The following MS4A1 variants were observed in gnomAD, a reference collection of about 807,000 sequenced individuals.
The protein encoded by MS4A1 is B-lymphocyte antigen CD20.
MS4A1 carries 16 observed loss-of-function variants against 26.5 expected under a neutral mutation model. That is an observed-to-expected ratio of 0.60 (90% CI 0.41 to 0.92). MS4A1 has a LOEUF of 0.92. Ranked by LOEUF, MS4A1 falls within the 40% of genes least tolerant of loss-of-function variation. MS4A1 has a pLI of 0.00. For synonymous variants in MS4A1, 128 were observed against 117.6 expected (o/e 1.09, Z -0.57); for missense variants, 350 against 353.0 (o/e 0.99, Z 0.07).
intron 5 of MS4A1, 142 bp downstream of exon 5, chr11:60,464,486 T>G: frequency 1.4e-6 from 1 of 730,560 alleles, no homozygotes; most frequent in Admixed American, 2.2e-5. Flanking sequence ...TTATTGTGAT[T>G]TTATTTATGA....
chr11:60,461,756 G>C (rs2086249935), intron 2 of MS4A1, among the ~76,000 whole-genome samples: 1 of 151,684 alleles, frequency 6.6e-6, no homozygotes, highest in Non-Finnish European at 1.5e-5. Context: ...CTGACCTCAG[G>C]TGATCTGCCC....
Position 60,461,143 on chromosome 11 carries a change from A to T in MS4A1, c.-208A>T, listed in dbSNP as rs191494696. On this transcript the variant is annotated 5_prime_UTR_variant, in exon 2 of 8. The change creates a new upstream start codon in the 5' untranslated region. Coordinates refer to ENST00000345732, the MANE Select transcript of MS4A1 (RefSeq NM_152866.3). ...TTCTGTGGGGAAGAGACTGACAATA[A>T]GCAATTAAATAAATAAGGTAATTTC... 1 of 151,988 alleles carries T rather than the reference A, an allele frequency of 6.6e-6. No individual in the cohort carries two copies. Among genetic ancestry groups the T allele is most frequent in the African/African-American group, 2.4e-5 (1 of 41,574 alleles). 9.4% of individuals were successfully genotyped at this position (151,988 alleles called of 1,614,324 possible).
Position 60,462,273 on chromosome 11 carries a change from A to C in MS4A1, c.-102A>C. 1.6e-6 allele frequency: 2 copies of C among 1,241,356 alleles called. No individual in the cohort carries two copies. Among genetic ancestry groups the C allele is most frequent in the Non-Finnish European group, 2.4e-6 (2 of 848,820 alleles). The allele number at this position is 1,241,356 out of a possible 1,614,324, so 76.9% of individuals were successfully genotyped here. A position where few individuals can be genotyped will look rare whatever the true frequency, so the allele number is the denominator to read the frequency against. On this transcript the variant is annotated 5_prime_UTR_variant, in exon 3 of 8. Transcript: ENST00000345732. ...TGACACTCATGGAGGAAATGCTGAG[A>C]GAAGCATTCAGATGCATGACACAAG...
intron 7 of MS4A1, among the ~76,000 whole-genome samples, chr11:60,467,867 G>A (rs776327523): frequency 6.6e-6 from 1 of 152,004 alleles, no homozygotes; most frequent in African/African-American, 2.4e-5. Context: ...AGAAATCATC[G>A]CTAATTACTT....
intron 1 of MS4A1, among the ~76,000 whole-genome samples, chr11:60,458,929 G>T (rs1262103715): frequency 2.6e-5 from 4 of 152,104 alleles, no homozygotes; most frequent in Non-Finnish European, 4.4e-5. Flanking sequence ...TTTAAGGTTT[G>T]TAGAAGTATA....
intron 7 of MS4A1, among the ~76,000 whole-genome samples, chr11:60,467,388 T>C (rs1337366353): frequency 1.3e-5 from 2 of 151,426 alleles, no homozygotes; most frequent in Non-Finnish European, 2.9e-5. Context: ...GCGATTCTCC[T>C]GCCTCACCCT....
Position 60,462,410 on chromosome 11 carries a change from C to A in MS4A1, c.36C>A (p.Phe12Leu). The change falls in exon 3 of 8, where the codon TTC becomes TTA. Residue 12 changes from phenylalanine (F) to leucine (L), a missense_variant. Transcript: ENST00000345732. Reference sequence around the variant, plus strand: ...CCAGAAATTCAGTAAATGGGACTTTCCCGGCAGAGCCAATGAAAGGCCCTA... The same window carrying A: ...CCAGAAATTCAGTAAATGGGACTTTACCGGCAGAGCCAATGAAAGGCCCTA... The part of the protein sequence containing the change: ...TTPRNSVNGT[F>L]PAEPMKGPIA... 1 of 1,614,156 alleles carries A rather than the reference C, an allele frequency of 6.2e-7. No homozygotes were observed. The highest frequency in any genetic ancestry group is 8.5e-7 in the Non-Finnish European group (1 of 1,180,024).
intron 3 of MS4A1, 68 bp from the exon 4 acceptor site, chr11:60,462,934 A>C: frequency 1.2e-6 from 2 of 1,606,266 alleles, no homozygotes; most frequent in Non-Finnish European, 1.7e-6. Context: ...CAGAGCTTCC[A>C]ACCTTGTCTT....
At chr11:60,458,849 A>G (rs577611025) in intron 1 of MS4A1, among the ~76,000 whole-genome samples, 5 of 88,062 alleles carry the variant, frequency 5.7e-5, no homozygotes, top group Non-Finnish European at 1.2e-4. Context: ...GATAGTTTCC[A>G]TAAGAAATAA....
chr11:60,465,550 G>A (rs2086284149), intron 5 of MS4A1, among the ~76,000 whole-genome samples: 1 of 152,124 alleles, frequency 6.6e-6, no homozygotes, highest in Non-Finnish European at 1.5e-5. Flanking sequence ...ATTTATGAAG[G>A]CAGATAATAA....
chr11:60,462,854 A>T (rs1426370449), intron 3 of MS4A1, 148 bp from the exon 4 acceptor site: 1 of 1,277,676 alleles, frequency 7.8e-7, no homozygotes, highest in East Asian at 2.3e-5. Flanking sequence ...GATTCGAACA[A>T]GAAAAAGACA....
chr11:60,462,891 T>C lies in MS4A1; in HGVS notation c.160-111T>C, dbSNP rs963870165. 5.9e-6 allele frequency: 9 copies of C among 1,526,722 alleles called. No individual in the cohort carries two copies. In the African/African-American group the frequency reaches 8.2e-5, roughly 14 times the overall value. The allele number at this position is 1,526,722 out of a possible 1,614,324, so 94.6% of individuals were successfully genotyped here. A position where few individuals can be genotyped will look rare whatever the true frequency, so the allele number is the denominator to read the frequency against. ...AATTCTTGGCACCTCCACTGCTTCC[T>C]TTAGGCATTCCTCACAGCTCCAAGT... On this transcript the variant is annotated intron_variant, in intron 3 of 7. Transcript: ENST00000345732.
At chr11:60,461,886 G>A (rs901997804) in intron 2 of MS4A1, among the ~76,000 whole-genome samples, 7 of 148,998 alleles carry the variant, frequency 4.7e-5, no homozygotes, top group Non-Finnish European at 7.4e-5. Context: ...GCCTGGAATC[G>A]ACCCCTCCTG....
intron 7 of MS4A1, among the ~76,000 whole-genome samples, chr11:60,467,767 T>A (rs917292846): frequency 3.7e-4 from 57 of 152,198 alleles, no homozygotes; most frequent in African/African-American, 1.2e-3. Flanking sequence ...AAACAACAGG[T>A]TAAAGGGCTC....
At position 60,462,410 on chromosome 11, in the gene MS4A1, C is replaced by T; in HGVS notation, c.36C>T (p.Phe12=). ...TTPRNSVNGT[F]PAEPMKGPIA... is the part of the protein sequence containing the mutation. ...CCAGAAATTCAGTAAATGGGACTTTCCCGGCAGAGCCAATGAAAGGCCCTA... is the reference window on the plus strand; with the variant it reads ...CCAGAAATTCAGTAAATGGGACTTTTCCGGCAGAGCCAATGAAAGGCCCTA... Residue 12 remains phenylalanine (F), a synonymous_variant, in exon 3 of 8, where the codon TTC becomes TTT. Transcript: ENST00000345732. The T allele has an allele frequency of 1.9e-6, 3 of 1,614,156 alleles. No homozygotes were observed. Among genetic ancestry groups the T allele is most frequent in the Non-Finnish European group, 2.5e-6 (3 of 1,180,024 alleles).
intron 6 of MS4A1, 179 bp from the exon 7 acceptor site, chr11:60,466,778 TAA>T (rs1189867391): frequency 9.1e-6 from 6 of 656,362 alleles, no homozygotes; most frequent in Non-Finnish European, 1.6e-5. Context: ...AAAGTTGTGT[TAA>T]GAGTTAGGGT....
chr11:60,458,435 A>C (rs2086221370), intron 1 of MS4A1, among the ~76,000 whole-genome samples: 1 of 152,216 alleles, frequency 6.6e-6, no homozygotes, highest in South Asian at 2.1e-4. Context: ...GGGTGCCTTT[A>C]AAAATAAAAA....
chr11:60,460,939 C>A (rs56273248), intron 1 of MS4A1, 133 bp from the exon 2 acceptor site: 1 of 151,778 alleles, frequency 6.6e-6, no homozygotes, highest in Non-Finnish European at 1.5e-5. Context: ...AAAATCGAAA[C>A]TAATGCTCAG....
intron 1 of MS4A1, among the ~76,000 whole-genome samples, chr11:60,458,776 G>A (rs997691078): frequency 1.3e-5 from 2 of 152,084 alleles, no homozygotes; most frequent in East Asian, 1.9e-4. Context: ...GCCATAAATC[G>A]ATTAATATAT....
Sources: gnomAD v4.1 joint callset for allele counts (sites outside exome capture counted in the v4.1 genomes callset) on GRCh38, gnomAD v4.1.1 for gene constraint, MANE v1.5 for transcripts, NCBI Gene and HGNC (gene_info 2026-07-23, HGNC 2026-07-21) for gene names.